CCDC192: variants seen among roughly 807,000 people sequenced by gnomAD.
CCDC192 encodes the protein coiled-coil domain-containing protein 192.
chr5:127,852,025 G>A (rs1750818695), intron 5 of CCDC192, among the ~76,000 whole-genome samples: 1 of 152,188 alleles, frequency 6.6e-6, no homozygotes, highest in Non-Finnish European at 1.5e-5. Context: ...AAATTTAACA[G>A]TTAAAATTAA....
chr5:127,786,518 A>AC, intron 3 of CCDC192: 1 of 635,804 alleles, frequency 1.6e-6, no homozygotes, highest in Non-Finnish European at 2.9e-6. Flanking sequence ...AGAATTTCTT[A>AC]CCTGTTTATT....
chr5:127,798,700 T>G (rs150554047), intron 5 of CCDC192, among the ~76,000 whole-genome samples: 2,002 of 151,284 alleles, frequency 0.013, 37 homozygotes, highest in African/African-American at 0.042. Flanking sequence ...AGTGACATTA[T>G]TTTTTATACA....
intron 6 of CCDC192, among the ~76,000 whole-genome samples, chr5:127,885,852 G>T (rs1319976304): frequency 6.6e-6 from 1 of 151,938 alleles, no homozygotes; most frequent in East Asian, 1.9e-4. Flanking sequence ...ATTTACTATG[G>T]TATTCTAAAG....
In CCDC192 at chr5:127,759,883, A is replaced by G. The variant is rs75033937; in HGVS notation, c.222+5508A>G. Among the ~76,000 whole-genome samples, 41 of 152,220 alleles carry G rather than the reference A, an allele frequency of 2.7e-4. No homozygotes were observed. The East Asian group carries it at 6.0e-3, about 22-fold the overall frequency. On this transcript the variant is annotated intron_variant, in intron 3 of 6. Transcript: ENST00000514853. Reference sequence around the variant, plus strand: ...TCTGGTAAAGGGATTTTAGTTCTTTAACCTTGTCTTTCCTTTCTGCTTCAT... The same window carrying G: ...TCTGGTAAAGGGATTTTAGTTCTTTGACCTTGTCTTTCCTTTCTGCTTCAT...
chr5:127,736,048 T>C (rs536298543), intron 2 of CCDC192, among the ~76,000 whole-genome samples: 1,623 of 75,144 alleles, frequency 0.022, 42 homozygotes, highest in Non-Finnish European at 0.029. Flanking sequence ...CCATTCAGTA[T>C]GATATTGGCT....
intron 2 of CCDC192, among the ~76,000 whole-genome samples, chr5:127,752,433 G>C (rs559237824): frequency 6.6e-6 from 1 of 152,314 alleles, no homozygotes; most frequent in East Asian, 1.9e-4. Flanking sequence ...TCGGGGGTCA[G>C]GGGTCAGGGA....
intron 5 of CCDC192, among the ~76,000 whole-genome samples, chr5:127,842,082 C>G (rs962519896): frequency 1.3e-5 from 2 of 152,220 alleles, no homozygotes; most frequent in Non-Finnish European, 2.9e-5. Flanking sequence ...GAGGTGCCAG[C>G]TCCTCTGAAT....
chr5:127,848,510 G>A (rs1007057225), intron 5 of CCDC192, among the ~76,000 whole-genome samples: 1 of 151,800 alleles, frequency 6.6e-6, no homozygotes, highest in African/African-American at 2.4e-5. Context: ...TCCAACAATA[G>A]CAATTAAAAG....
At chr5:127,733,049 T>C (rs984414531) in intron 2 of CCDC192, among the ~76,000 whole-genome samples, 1 of 152,112 alleles carries the variant, frequency 6.6e-6, no homozygotes, top group African/African-American at 2.4e-5. Flanking sequence ...AGAGAAGAGA[T>C]GGAACAGATC....
At chr5:127,937,017 T>C (rs542887019) in intron 6 of CCDC192, among the ~76,000 whole-genome samples, 4 of 152,326 alleles carry the variant, frequency 2.6e-5, no homozygotes, top group African/African-American at 9.6e-5. Flanking sequence ...CCAATACAAA[T>C]AGGACTTGAG....
At chr5:127,704,907 T>C (rs574930340) in intron 1 of CCDC192, among the ~76,000 whole-genome samples, 17 of 151,942 alleles carry the variant, frequency 1.1e-4, no homozygotes, top group Admixed American at 5.9e-4. Context: ...CCCAGGCTAA[T>C]TGGTGACTAG....
At chr5:127,749,338 G>C (rs1473371851) in intron 2 of CCDC192, among the ~76,000 whole-genome samples, 2 of 152,090 alleles carry the variant, frequency 1.3e-5, no homozygotes, top group Admixed American at 1.3e-4. Flanking sequence ...GTTGAATTTT[G>C]TCAAAGGCCT....
At chr5:127,703,366 C>G, upstream of CCDC192, 1 of 398,622 alleles carries the variant, frequency 2.5e-6, no homozygotes, top group Non-Finnish European at 4.4e-6. Flanking sequence ...AGAGCAATAG[C>G]AGGGATTCTA....
In CCDC192 at chr5:127,941,237, T is replaced by C. The variant is rs1051133922; in HGVS notation, c.591T>C (p.Asp197=). ...CGGLPPVEEG[D]RKISLIMELS... is the part of the protein sequence containing the mutation. ...GTCTCCCACCTGTGGAAGAAGGTGA[T>C]AGAAAAATTAGCCTGATAATGGAAC... is the stretch of plus-strand genomic sequence containing the variant. The change falls in exon 7 of 7, where the codon GAT becomes GAC. Residue 197 remains aspartate (D), a synonymous_variant. Coordinates refer to ENST00000514853, the MANE Select transcript of CCDC192 (RefSeq NM_001317938.2). 1.8e-5 allele frequency: 7 copies of C among 398,880 alleles called. No homozygotes were observed. The South Asian group carries it at 3.8e-4, about 22-fold the overall frequency. 24.7% of individuals were successfully genotyped at this position (398,880 alleles called of 1,614,324 possible).
intron 5 of CCDC192, among the ~76,000 whole-genome samples, chr5:127,803,381 G>A (rs1199630827): frequency 1.1e-4 from 17 of 152,168 alleles, no homozygotes; most frequent in Non-Finnish European, 1.8e-4. Context: ...ACCGGGCTAA[G>A]CTGCCCTGGG....
intron 5 of CCDC192, among the ~76,000 whole-genome samples, chr5:127,807,331 T>G (rs74575578): frequency 0.013 from 2,007 of 152,276 alleles, 19 homozygotes; most frequent in African/African-American, 0.027. Context: ...AAAGACAAAA[T>G]TGCTTTCTGA....
upstream of CCDC192, among the ~76,000 whole-genome samples, chr5:127,702,427 T>A (rs1283952431): frequency 6.6e-6 from 1 of 152,216 alleles, no homozygotes; most frequent in Non-Finnish European, 1.5e-5. Flanking sequence ...GCTCAATAGT[T>A]CTTAATTTTA....
At chr5:127,893,557 T>C (rs1461602026) in intron 6 of CCDC192, among the ~76,000 whole-genome samples, 1 of 152,214 alleles carries the variant, frequency 6.6e-6, no homozygotes, top group Non-Finnish European at 1.5e-5. Flanking sequence ...TATTACACTC[T>C]TCTATAAACA....
chr5:127,718,336 A>C (rs1426349549), intron 2 of CCDC192, among the ~76,000 whole-genome samples: 2 of 152,230 alleles, frequency 1.3e-5, no homozygotes, highest in African/African-American at 4.8e-5. Context: ...CCCAAGAGGC[A>C]CCAGTGGTGC....
Sources: allele counts gnomAD v4.1 joint callset (sites outside exome capture counted in the v4.1 genomes callset), GRCh38; gene constraint gnomAD v4.1.1; transcripts MANE v1.5; gene names NCBI Gene and HGNC (gene_info 2026-07-23, HGNC 2026-07-21).